The following CTTNBP2 variants were observed in gnomAD, a reference collection of about 807,000 sequenced individuals.
CTTNBP2 encodes cortactin-binding protein 2.
In CTTNBP2, 108 loss-of-function variants were observed where a neutral mutation model predicts 156.9. That is an observed-to-expected ratio of 0.69 (90% CI 0.59 to 0.81). The LOEUF is 0.81. Among genes scored for constraint, CTTNBP2 ranks in the 30% least tolerant of loss-of-function variants. The probability of loss-of-function intolerance (pLI) is 0.00; values close to 1 mark genes in which losing one functional copy is unlikely to be tolerated. For synonymous variants in CTTNBP2, 767 were observed against 751.8 expected (o/e 1.02, Z -0.33); for missense variants, 1,924 against 2,035.4 (o/e 0.95, Z 1.05).
At chr7:117,726,267 T>C (rs1418434133) in intron 17 of CTTNBP2, among the ~76,000 whole-genome samples, 1 of 152,230 alleles carries the variant, frequency 6.6e-6, no homozygotes, top group East Asian at 1.9e-4. Flanking sequence ...AGGTTAGGAA[T>C]GTTTTCAAAG....
intron 2 of CTTNBP2, among the ~76,000 whole-genome samples, chr7:117,840,271 T>C (rs1563058278): frequency 6.6e-6 from 1 of 151,844 alleles, no homozygotes; most frequent in Non-Finnish European, 1.5e-5. Flanking sequence ...AATAGTCCTG[T>C]CCAAAAAAGT....
chr7:117,749,998 G>A (rs1386765316), intron 12 of CTTNBP2, among the ~76,000 whole-genome samples: 1 of 152,004 alleles, frequency 6.6e-6, no homozygotes, highest in Non-Finnish European at 1.5e-5. Context: ...ATCCCAAATC[G>A]CTATGATTTA....
intron 12 of CTTNBP2, among the ~76,000 whole-genome samples, chr7:117,752,807 C>T (rs1325331841): frequency 2.0e-5 from 3 of 152,170 alleles, no homozygotes; most frequent in Non-Finnish European, 2.9e-5. Context: ...GGGTAAATTA[C>T]TTTGAGTCTT....
intron 22 of CTTNBP2, among the ~76,000 whole-genome samples, chr7:117,717,753 A>AAAAACATGGAGATCTCAACAG (rs1794513987): frequency 6.6e-6 from 1 of 152,208 alleles, no homozygotes; most frequent in East Asian, 1.9e-4. Context: ...TGAAAAAAAA[A>AAAAACATGGAGATCTCAACAG]AAAACATGGA....
chr7:117,824,626 G>A (rs1178119740), intron 2 of CTTNBP2, among the ~76,000 whole-genome samples: 1 of 152,202 alleles, frequency 6.6e-6, no homozygotes, highest in African/African-American at 2.4e-5. Flanking sequence ...CCAAGAAAGG[G>A]CAAGGGACTT....
chr7:117,846,539 C>T (rs1474173930), intron 2 of CTTNBP2, among the ~76,000 whole-genome samples: 1 of 151,036 alleles, frequency 6.6e-6, no homozygotes, highest in Admixed American at 6.6e-5. Flanking sequence ...CCACATGGAC[C>T]CAGAGTCATT....
intron 12 of CTTNBP2, among the ~76,000 whole-genome samples, chr7:117,747,875 G>C (rs1212490469): frequency 6.6e-6 from 1 of 152,168 alleles, no homozygotes. Context: ...TGACCACCAG[G>C]ATTCAGACCA....
intron 9 of CTTNBP2, among the ~76,000 whole-genome samples, chr7:117,763,508 T>A (rs1393547352): frequency 6.6e-6 from 1 of 151,828 alleles, no homozygotes; most frequent in Non-Finnish European, 1.5e-5. Flanking sequence ...TGGAAAGGTC[T>A]CCTAACTTGA....
chr7:117,869,258 T>C (rs1236002509), intron 1 of CTTNBP2, among the ~76,000 whole-genome samples: 1 of 152,226 alleles, frequency 6.6e-6, no homozygotes, highest in East Asian at 1.9e-4. Context: ...AGATCTATAA[T>C]ATCTATAACA....
rs946638615 is a variant in CTTNBP2 at position 117,873,225 on chromosome 7, C to T, written c.81+110G>A. On this transcript the variant is annotated intron_variant, in intron 1 of 22. Transcript: ENST00000160373. ...CCGATGAAGGGGCACCGGAGAGTCC[C>T]GGGCTTACGGAACGCCCCGGGGGTG... The T allele has an allele frequency of 1.6e-4, 135 of 839,000 alleles. No individual in the cohort carries two copies. In the African/African-American group the frequency reaches 2.1e-3, roughly 13 times the overall value. The allele number at this position is 839,000 out of a possible 1,614,324, so 52.0% of individuals were successfully genotyped here.
At chr7:117,817,372 A>G (rs1261727453) in intron 2 of CTTNBP2, among the ~76,000 whole-genome samples, 1 of 118,292 alleles carries the variant, frequency 8.5e-6, no homozygotes, top group African/African-American at 3.0e-5. Context: ...ATATATATAT[A>G]TATATATATA....
intron 2 of CTTNBP2, among the ~76,000 whole-genome samples, chr7:117,825,674 T>C (rs915024583): frequency 3.3e-5 from 5 of 152,170 alleles, no homozygotes; most frequent in African/African-American, 1.2e-4. Flanking sequence ...CTTGGGTTGG[T>C]TATTTGACTG....
At chr7:117,811,528 C>T (rs1341723597) in intron 2 of CTTNBP2, among the ~76,000 whole-genome samples, 2 of 152,138 alleles carry the variant, frequency 1.3e-5, no homozygotes, top group Admixed American at 6.6e-5. Context: ...GTCTCAAACT[C>T]CTGGGCTCAA....
chr7:117,793,408 C>G (rs1799144841), intron 3 of CTTNBP2: 1 of 152,256 alleles, frequency 6.6e-6, no homozygotes, highest in Non-Finnish European at 1.5e-5. Context: ...AACCTGGAGC[C>G]TGACCTTGTC....
chr7:117,752,790 A>T (rs1796680673), intron 12 of CTTNBP2, among the ~76,000 whole-genome samples: 1 of 152,244 alleles, frequency 6.6e-6, no homozygotes, highest in South Asian at 2.1e-4. Flanking sequence ...TAATTGCTGA[A>T]GACGCTGGGT....
At chr7:117,825,145 TGA>T (rs373910410) in intron 2 of CTTNBP2, among the ~76,000 whole-genome samples, 1 of 152,120 alleles carries the variant, frequency 6.6e-6, no homozygotes, top group Non-Finnish European at 1.5e-5. Context: ...TTCATTTGAG[TGA>T]GAGAGAGTAA....
chr7:117,821,793 T>C (rs2117030302), intron 2 of CTTNBP2, among the ~76,000 whole-genome samples: 1 of 152,194 alleles, frequency 6.6e-6, no homozygotes, highest in Admixed American at 6.5e-5. Flanking sequence ...GGTTTCACTG[T>C]GTTAGCCAGG....
At chr7:117,809,277 A>C (rs1431421589) in intron 3 of CTTNBP2, among the ~76,000 whole-genome samples, 1 of 152,212 alleles carries the variant, frequency 6.6e-6, no homozygotes, top group Non-Finnish European at 1.5e-5. Context: ...GTTTTGTTAA[A>C]GGCAGAACAG....
intron 2 of CTTNBP2, among the ~76,000 whole-genome samples, chr7:117,821,935 TTTTTTC>T (rs1164232475): frequency 6.6e-6 from 1 of 152,126 alleles, no homozygotes; most frequent in Non-Finnish European, 1.5e-5. Context: ...TACTCTGTAA[TTTTTTC>T]TTTTTAATAC....
Sources: allele counts gnomAD v4.1 joint callset (sites outside exome capture counted in the v4.1 genomes callset), GRCh38; gene constraint gnomAD v4.1.1; transcripts MANE v1.5; gene names NCBI Gene and HGNC (gene_info 2026-07-23, HGNC 2026-07-21).